CCSER1: variants seen among roughly 807,000 people sequenced by gnomAD.
CCSER1 encodes the protein serine-rich coiled-coil domain-containing protein 1.
CCSER1 carries 41 observed loss-of-function variants against 82.0 expected under a neutral mutation model. The ratio of observed to expected loss-of-function variants is 0.50; its 90% CI spans 0.39 to 0.65. The LOEUF is 0.65. CCSER1 is among the 30% of genes least tolerant of loss of function. The pLI is 0.00. For missense variants in CCSER1, 1,119 were observed against 1,064.2 expected (o/e 1.05, Z -0.72); for synonymous variants, 414 against 383.9 (o/e 1.08, Z -0.92).
intron 3 of CCSER1, among the ~76,000 whole-genome samples, chr4:90,364,300 A>ATT (rs1345540331): frequency 2.0e-5 from 3 of 151,958 alleles, no homozygotes; most frequent in Non-Finnish European, 4.4e-5. Flanking sequence ...CTCTACTCAC[A>ATT]TTTTTCCCAC....
At chr4:90,382,913 G>T (rs752942723) in intron 3 of CCSER1, among the ~76,000 whole-genome samples, 2 of 152,094 alleles carry the variant, frequency 1.3e-5, no homozygotes, top group Non-Finnish European at 1.5e-5. Flanking sequence ...TCAACACCGT[G>T]TGTTATTGCA....
intron 10 of CCSER1, among the ~76,000 whole-genome samples, chr4:91,148,574 T>G (rs1216273624): frequency 1.3e-5 from 2 of 152,150 alleles, no homozygotes; most frequent in African/African-American, 4.8e-5. Flanking sequence ...CATGTTGGTG[T>G]GCTGCACCCA....
intron 4 of CCSER1, among the ~76,000 whole-genome samples, chr4:90,434,039 A>G (rs978447013): frequency 1.3e-4 from 20 of 152,066 alleles, no homozygotes; most frequent in African/African-American, 3.9e-4. Flanking sequence ...TCGAAGTTAC[A>G]ACTTTTTCCC....
chr4:91,224,480 C>T (rs1040659053), intron 10 of CCSER1, among the ~76,000 whole-genome samples: 9 of 152,008 alleles, frequency 5.9e-5, no homozygotes, highest in Admixed American at 2.0e-4. Context: ...CTGCACTTTT[C>T]GTATGTGCTA....
At chr4:90,201,539 T>A (rs1307412364) in intron 1 of CCSER1, among the ~76,000 whole-genome samples, 2 of 149,226 alleles carry the variant, frequency 1.3e-5, no homozygotes, top group Non-Finnish European at 3.0e-5. Flanking sequence ...TTAATATATC[T>A]AAAATATTAT....
intron 9 of CCSER1, among the ~76,000 whole-genome samples, chr4:91,070,026 C>G (rs1721262445): frequency 6.6e-6 from 1 of 151,430 alleles, no homozygotes; most frequent in African/African-American, 2.4e-5. Context: ...GCTCTGTCAC[C>G]CAGGCTGGAG....
intron 3 of CCSER1, among the ~76,000 whole-genome samples, chr4:90,331,388 T>C (rs1739253025): frequency 6.6e-6 from 1 of 152,170 alleles, no homozygotes; most frequent in Non-Finnish European, 1.5e-5. Flanking sequence ...ATGCATTAGG[T>C]ACTATTTTAG....
chr4:91,247,437 A>G (rs548495303), intron 10 of CCSER1, among the ~76,000 whole-genome samples: 33 of 152,350 alleles, frequency 2.2e-4, no homozygotes, highest in African/African-American at 4.6e-4. Flanking sequence ...GGACAGCACT[A>G]TGAATTTATG....
chr4:91,318,171 G>A (rs1455991800), intron 10 of CCSER1, among the ~76,000 whole-genome samples: 1 of 151,894 alleles, frequency 6.6e-6, no homozygotes, highest in East Asian at 1.9e-4. Context: ...AACCTTAGCT[G>A]CAATATACTG....
chr4:91,539,491 G>A lies in CCSER1; in HGVS notation c.2218-59081G>A, dbSNP rs560888878. On this transcript the variant is annotated intron_variant, in intron 10 of 10. Coordinates refer to ENST00000509176, the MANE Select transcript of CCSER1 (RefSeq NM_001145065.2). ...TTTTTAAGTGCTGCTATTTTACTGG[G>A]ATTTCAATAAAATTTATCTCAAACA... Among the ~76,000 whole-genome samples the A allele has an allele frequency of 1.6e-4, 24 of 152,010 alleles. No homozygotes were observed. The South Asian group carries it at 4.8e-3, about 30-fold the overall frequency.
At position 91,444,178 on chromosome 4, in the gene CCSER1, T is replaced by C. The variant is rs548630966; in HGVS notation, c.2218-154394T>C. On this transcript the variant is annotated intron_variant, in intron 10 of 10. Coordinates refer to ENST00000509176, the MANE Select transcript of CCSER1 (RefSeq NM_001145065.2). The stretch of plus-strand genomic sequence containing the variant: ...CTTAGTCTTCAAATGGCATCTTTTC[T>C]GTCACTAGAGTTAAAAATAAAAACC... Among the ~76,000 whole-genome samples, 173 of 152,314 alleles carry C rather than the reference T, an allele frequency of 1.1e-3. 1 individual carries two copies. Among genetic ancestry groups the C allele is most frequent in the Non-Finnish European group, 2.1e-3 (146 of 68,026 alleles).
chr4:91,562,162 C>T (rs1436901865), intron 10 of CCSER1, among the ~76,000 whole-genome samples: 1 of 151,414 alleles, frequency 6.6e-6, no homozygotes, highest in East Asian at 1.9e-4. Flanking sequence ...TTTTGTCAAT[C>T]ACTGAAATTC....
At chr4:91,348,258 C>A (rs965623269) in intron 10 of CCSER1, among the ~76,000 whole-genome samples, 1 of 151,922 alleles carries the variant, frequency 6.6e-6, no homozygotes. Flanking sequence ...TCTTATTTAG[C>A]CCGTTGATGT....
intron 1 of CCSER1, among the ~76,000 whole-genome samples, chr4:90,164,991 A>T (rs1279088194): frequency 6.6e-6 from 1 of 152,158 alleles, no homozygotes; most frequent in Non-Finnish European, 1.5e-5. Flanking sequence ...TCAAAAAGAC[A>T]TATAGATATT....
chr4:90,880,909 T>TC (rs1384833216), intron 8 of CCSER1, among the ~76,000 whole-genome samples: 1 of 152,052 alleles, frequency 6.6e-6, no homozygotes, highest in Non-Finnish European at 1.5e-5. Flanking sequence ...TTGAGTTGTT[T>TC]CCTCTATTAG....
At chr4:90,483,470 A>G (rs1301114977) in intron 5 of CCSER1, among the ~76,000 whole-genome samples, 1 of 152,136 alleles carries the variant, frequency 6.6e-6, no homozygotes, top group Non-Finnish European at 1.5e-5. Flanking sequence ...CCTAGCCTTG[A>G]TGGTCTTTAC....
rs371788130 is a variant in CCSER1, at chr4:91,426,063, G to A, written c.2218-172509G>A. 1.9e-4 allele frequency among the ~76,000 whole-genome samples: 29 copies of A among 152,072 alleles called. No homozygotes were observed. The East Asian group carries it at 3.1e-3, about 16-fold the overall frequency. On this transcript the variant is annotated intron_variant, in intron 10 of 10. Coordinates refer to ENST00000509176, the MANE Select transcript of CCSER1 (RefSeq NM_001145065.2). ...AGCCCCCCACATCCCAATAGGCCCCGATGTGTGATGTTCCCCTTCCTATGT... is the reference window on the plus strand; with the variant it reads ...AGCCCCCCACATCCCAATAGGCCCCAATGTGTGATGTTCCCCTTCCTATGT...
intron 5 of CCSER1, among the ~76,000 whole-genome samples, chr4:90,598,543 G>T (rs1783645208): frequency 6.6e-6 from 1 of 152,162 alleles, no homozygotes; most frequent in Non-Finnish European, 1.5e-5. Context: ...GTGGTTATTT[G>T]TATTTGCCTG....
At chr4:90,822,198 G>A (rs62311060) in intron 8 of CCSER1, among the ~76,000 whole-genome samples, 6,676 of 152,158 alleles carry the variant, frequency 0.044, 181 homozygotes, top group Non-Finnish European at 0.064. Context: ...GTTAGTAGAC[G>A]GTGCTGTGAA....
Sources: allele counts gnomAD v4.1 joint callset (sites outside exome capture counted in the v4.1 genomes callset), GRCh38; gene constraint gnomAD v4.1.1; transcripts MANE v1.5; gene names NCBI Gene and HGNC (gene_info 2026-07-23, HGNC 2026-07-21).